CMTM8: variants seen among roughly 807,000 people sequenced by gnomAD.
CMTM8 encodes CKLF-like MARVEL transmembrane domain-containing protein 8.
Under a neutral mutation model 18.6 loss-of-function variants are expected in CMTM8, and 12 were observed. The observed-to-expected ratio is 0.65, with a 90% CI of 0.41 to 1.05. The LOEUF (loss-of-function observed/expected upper bound fraction) is 1.05, where lower values mean the gene tolerates loss of function less well. Ranked by LOEUF, CMTM8 falls within the 50% of genes least tolerant of loss-of-function variation. The pLI, the probability that CMTM8 is intolerant of heterozygous loss-of-function variation, is 0.00. For synonymous variants in CMTM8, 87 were observed against 90.6 expected, an observed-to-expected ratio of 0.96 and a Z score of 0.23; for missense variants, 217 against 227.2, an observed-to-expected ratio of 0.95 and a Z score of 0.29.
intron 1 of CMTM8, among the ~76,000 whole-genome samples, chr3:32,332,759 T>A (rs1696305654): frequency 6.6e-6 from 1 of 152,138 alleles, no homozygotes; most frequent in African/African-American, 2.4e-5. Flanking sequence ...CCTTGGTCAG[T>A]GATTCTCAAA....
intron 2 of CMTM8, among the ~76,000 whole-genome samples, chr3:32,361,044 C>T (rs531584424): frequency 5.3e-5 from 8 of 152,284 alleles, no homozygotes; most frequent in South Asian, 2.1e-4. Context: ...TGCAATGGCG[C>T]GATCTCAGCT....
chr3:32,246,188 C>G (rs1050484816), intron 1 of CMTM8, among the ~76,000 whole-genome samples: 2 of 152,170 alleles, frequency 1.3e-5, no homozygotes, highest in African/African-American at 4.8e-5. Context: ...TGGATACCTT[C>G]CATTTGTCCT....
intron 1 of CMTM8, 87 bp from the exon 2 acceptor site, chr3:32,357,286 T>TC: frequency 1.0e-6 from 1 of 958,286 alleles, no homozygotes; most frequent in Non-Finnish European, 1.6e-6. Context: ...TTCTGTATAA[T>TC]TATTTTTTTT....
In CMTM8 at chr3:32,247,666, G is replaced by A. The variant is rs185276766; in HGVS notation, c.147+8547G>A. On this transcript the variant is annotated intron_variant, in intron 1 of 3. Coordinates refer to ENST00000307526, the MANE Select transcript of CMTM8 (RefSeq NM_178868.5). The stretch of plus-strand genomic sequence containing the variant: ...AGTAGAGATGAGGTTTCACCATGTT[G>A]GCCAGGCTGGTTTCGAACTCCTGGC... Among the ~76,000 whole-genome samples, 273 of 152,216 alleles carry A rather than the reference G, an allele frequency of 1.8e-3. 1 individual carries two copies. Among genetic ancestry groups the A allele is most frequent in the African/African-American group, 6.2e-3 (256 of 41,528 alleles).
At chr3:32,259,168 G>T in intron 1 of CMTM8, 1 of 451,994 alleles carries the variant, frequency 2.2e-6, no homozygotes, top group South Asian at 1.9e-5. Context: ...GGGTCTGGCA[G>T]AAATGGGAGG....
chr3:32,311,248 TA>T (rs1173147555), intron 1 of CMTM8, among the ~76,000 whole-genome samples: 1 of 152,238 alleles, frequency 6.6e-6, no homozygotes, highest in Non-Finnish European at 1.5e-5. Context: ...TTGCAGTTTG[TA>T]AAAAATTATA....
intron 1 of CMTM8, among the ~76,000 whole-genome samples, chr3:32,349,509 T>C (rs1696662944): frequency 6.6e-6 from 1 of 152,198 alleles, no homozygotes; most frequent in South Asian, 2.1e-4. Context: ...AGAGACTGTT[T>C]CGTTTTACCT....
intron 1 of CMTM8, among the ~76,000 whole-genome samples, chr3:32,352,945 G>A (rs1447902015): frequency 6.6e-6 from 1 of 151,770 alleles, no homozygotes; most frequent in African/African-American, 2.4e-5. Context: ...AGGTGCAAAA[G>A]CATGCATATA....
Position 32,296,345 on chromosome 3 carries a change from G to A in CMTM8, c.147+57226G>A, listed in dbSNP as rs536622095. Among the ~76,000 whole-genome samples the A allele has an allele frequency of 1.5e-4, 23 of 152,236 alleles. No individual in the cohort carries two copies. The South Asian group carries it at 2.7e-3, about 18-fold the overall frequency. On this transcript the variant is annotated intron_variant, in intron 1 of 3. Transcript: ENST00000307526. Reference sequence around the variant, plus strand: ...TCTCCCTAATTGTTCAGCCCCCTCCGGAGTAGGCTTGTCTCTCCCATCTGG... The same window carrying A: ...TCTCCCTAATTGTTCAGCCCCCTCCAGAGTAGGCTTGTCTCTCCCATCTGG...
intron 1 of CMTM8, among the ~76,000 whole-genome samples, chr3:32,316,977 C>T (rs1244451511): frequency 2.0e-5 from 3 of 152,214 alleles, no homozygotes; most frequent in Admixed American, 2.0e-4. Flanking sequence ...CCTAGACTTA[C>T]ATATTACTCT....
Position 32,238,866 on chromosome 3 carries a change from C to G in CMTM8, c.-107C>G, listed in dbSNP as rs1342129309. On this transcript the variant is annotated 5_prime_UTR_variant, in exon 1 of 4. Coordinates refer to ENST00000307526, the MANE Select transcript of CMTM8 (RefSeq NM_178868.5). Reference sequence around the variant, plus strand: ...CCTCGCACCTCCTGCCCCGCGCGGGCCGCGCTCCCCTCCCCCGCGCCTGTG... The same window carrying G: ...CCTCGCACCTCCTGCCCCGCGCGGGGCGCGCTCCCCTCCCCCGCGCCTGTG... 3.7e-6 allele frequency: 4 copies of G among 1,089,292 alleles called. No homozygotes were observed. In the East Asian group the frequency reaches 1.4e-4, roughly 37 times the overall value. 67.5% of individuals were successfully genotyped at this position (1,089,292 alleles called of 1,614,324 possible).
chr3:32,239,987 T>G (rs1701925899), intron 1 of CMTM8, among the ~76,000 whole-genome samples: 1 of 152,216 alleles, frequency 6.6e-6, no homozygotes, highest in Non-Finnish European at 1.5e-5. Context: ...CAGGCCTGCC[T>G]TTCTGCAGGG....
intron 1 of CMTM8, among the ~76,000 whole-genome samples, chr3:32,289,992 G>A (rs536856706): frequency 6.6e-6 from 1 of 152,228 alleles, no homozygotes; most frequent in Admixed American, 6.5e-5. Context: ...TTAGCCAGGT[G>A]TAGTGGTGCA....
At chr3:32,258,093 C>G (rs760306180) in intron 1 of CMTM8, among the ~76,000 whole-genome samples, 2 of 152,186 alleles carry the variant, frequency 1.3e-5, no homozygotes, top group Non-Finnish European at 2.9e-5. Context: ...ACCCTTAACT[C>G]ATTCCCTCTC....
chr3:32,316,981 T>C (rs1695945792), intron 1 of CMTM8, among the ~76,000 whole-genome samples: 1 of 152,226 alleles, frequency 6.6e-6, no homozygotes, highest in South Asian at 2.1e-4. Flanking sequence ...GACTTACATA[T>C]TACTCTAAGA....
chr3:32,332,696 G>A (rs375724321), intron 1 of CMTM8, among the ~76,000 whole-genome samples: 1 of 152,248 alleles, frequency 6.6e-6, no homozygotes, highest in African/African-American at 2.4e-5. Flanking sequence ...GAGACCACTC[G>A]ATGGGGCCTC....
At chr3:32,296,600 G>T (rs931057908) in intron 1 of CMTM8, among the ~76,000 whole-genome samples, 24 of 152,180 alleles carry the variant, frequency 1.6e-4, no homozygotes, top group African/African-American at 5.8e-4. Flanking sequence ...ACCCTGGAAT[G>T]ATCACTTACC....
intron 2 of CMTM8, 130 bp from the exon 3 acceptor site, chr3:32,367,742 C>G: frequency 6.5e-6 from 4 of 618,550 alleles, no homozygotes; most frequent in Non-Finnish European, 1.2e-5. Context: ...ACAGCCTTCT[C>G]CCCCACCCTC....
In CMTM8 at chr3:32,272,226, CT is replaced by C. The variant is rs201827349; in HGVS notation, c.147+33108del. Among the ~76,000 whole-genome samples the C allele has an allele frequency of 7.7e-3, 1,179 of 152,158 alleles. 9 individuals are homozygous for C. The highest frequency in any genetic ancestry group is 0.026 in the African/African-American group (1,068 of 41,552). The stretch of plus-strand genomic sequence containing the variant: ...ATTGCCATTCTTTTTTTAAATTTAG[CT>C]ACTTTAGCTTTAAAAATTTTTTGTC... On this transcript the variant is annotated intron_variant, in intron 1 of 3. Transcript: ENST00000307526.
Sources: allele counts gnomAD v4.1 joint callset (sites outside exome capture counted in the v4.1 genomes callset), GRCh38; gene constraint gnomAD v4.1.1; transcripts MANE v1.5; gene names NCBI Gene and HGNC (gene_info 2026-07-23, HGNC 2026-07-21).